PROM2: variants seen among roughly 807,000 people sequenced by gnomAD.
The protein encoded by PROM2 is prominin 2, also known as prominin-2.
A neutral mutation model predicts 110.2 loss-of-function variants in PROM2; 90 were observed. The ratio of observed to expected loss-of-function variants is 0.82; its 90% CI spans 0.69 to 0.97. The LOEUF is 0.97. Among genes scored for constraint, PROM2 ranks in the 50% least tolerant of loss-of-function variants. The pLI is 0.00. For synonymous variants in PROM2, 470 were observed against 467.8 expected (o/e 1.00, Z -0.06); for missense variants, 1,009 against 1,074.8 (o/e 0.94, Z 0.86).
At position 95,276,004 on chromosome 2, in the gene PROM2, C is replaced by T. The variant is rs373189393; in HGVS notation, c.369C>T (p.Ala123=). The part of the protein sequence containing the change: ...AGLYLLLVPT[A]GLCFCCCRCH... ...TCTACCTGCTGCTGGTGCCCACTGC[C>T]GGGCTTTGCTTCTGCTGCTGCCGCT... The change falls in exon 3 of 24, where the codon GCC becomes GCT. Residue 123 remains alanine, a synonymous_variant. Coordinates refer to ENST00000317620, the MANE Select transcript of PROM2 (RefSeq NM_001165978.3). The surrounding 1 kb of genome is among the most constrained non-coding windows in gnomAD (Gnocchi z 4.6). The T allele has an allele frequency of 1.3e-4, 207 of 1,611,820 alleles. No individual in the cohort carries two copies. Among genetic ancestry groups the T allele is most frequent in the Non-Finnish European group, 1.6e-4 (193 of 1,179,856 alleles).
In PROM2 at chr2:95,286,852, C is replaced by A. The variant is rs1199160689; in HGVS notation, c.2089C>A (p.Leu697Ile). The A allele has an allele frequency of 6.2e-7, 1 of 1,613,736 alleles. No homozygotes were observed. The highest frequency in any genetic ancestry group is 2.2e-5 in the East Asian group (1 of 44,882). The change falls in exon 18 of 24, where the codon CTC (leucine) becomes ATC (isoleucine). Residue 697 changes from leucine (L) to isoleucine (I), a missense_variant. Physicochemically the swap from Leu to Ile is conservative, Grantham distance 5. Transcript: ENST00000317620. ...GGCCCTGGAGTCCTCTGCCCCGAATCTCCAGGTGGCTGCTGTTGGTGGGGA... is the reference window on the plus strand; with the variant it reads ...GGCCCTGGAGTCCTCTGCCCCGAATATCCAGGTGGCTGCTGTTGGTGGGGA... ...VRALESSAPN[L>I]QLETSDVLAN... is the part of the protein sequence containing the mutation.
At chr2:95,278,354 G>T in intron 8 of PROM2, 1 of 525,622 alleles carries the variant, frequency 1.9e-6, no homozygotes, top group Non-Finnish European at 3.4e-6. Context: ...GAAATGATGA[G>T]TCAGCCATGC....
chr2:95,288,902 G>A, intron 22 of PROM2, 31 bp from the exon 23 acceptor site: 1 of 1,605,518 alleles, frequency 6.2e-7, no homozygotes, highest in Non-Finnish European at 8.5e-7. Context: ...GGGGGGAAGG[G>A]TATGCTCACT....
At chr2:95,277,767 C>T in intron 7 of PROM2, 163 bp from the exon 8 acceptor site, 1 of 766,812 alleles carries the variant, frequency 1.3e-6, no homozygotes, top group Non-Finnish European at 2.1e-6. Flanking sequence ...GTGTGAGCTC[C>T]TTGAGTTCTT....
At chr2:95,282,281 G>T in intron 14 of PROM2, 55 bp downstream of exon 14, 1 of 1,447,636 alleles carries the variant, frequency 6.9e-7, no homozygotes, top group Non-Finnish European at 9.6e-7. Flanking sequence ...CCCTCCTCTG[G>T]TCTTTTTGCC....
At chr2:95,287,584 A>C in intron 20 of PROM2, 120 bp downstream of exon 20, 1 of 966,666 alleles carries the variant, frequency 1.0e-6, no homozygotes, top group Non-Finnish European at 1.5e-6. Context: ...TTCAGGATCA[A>C]ACCCAAACTC....
At chr2:95,280,581 C>A (rs1676988647) in intron 11 of PROM2, among the ~76,000 whole-genome samples, 1 of 152,178 alleles carries the variant, frequency 6.6e-6, no homozygotes, top group South Asian at 2.1e-4. Context: ...TGGAGTAGGT[C>A]ACCTCCATGG....
chr2:95,274,494 GGA>G lies in PROM2; in HGVS notation c.-86_-85del, dbSNP rs377174809. The stretch of plus-strand genomic sequence containing the variant: ...CTGTCGGGCAGGTTTTGAGAGCTGT[GGA>G]GAGAGGGACAGAGGCTGGAGAAGGA... On this transcript the variant is annotated 5_prime_UTR_variant, in exon 1 of 24. Coordinates refer to ENST00000317620, the MANE Select transcript of PROM2 (RefSeq NM_001165978.3). 1.1e-4 allele frequency: 166 copies of G among 1,455,956 alleles called. 1 individual carries two copies. In the South Asian group the frequency reaches 1.3e-3, roughly 12 times the overall value. 90.2% of individuals were successfully genotyped at this position (1,455,956 alleles called of 1,614,324 possible).
rs768652941 is a variant in PROM2, at chr2:95,282,130, ACTC to A, written c.1644-5_1644-3del. 34 of 1,609,440 alleles carry A rather than the reference ACTC, an allele frequency of 2.1e-5. No homozygotes were observed. The highest frequency in any genetic ancestry group is 8.5e-6 in the Non-Finnish European group (10 of 1,178,648). On this transcript the variant is annotated splice_polypyrimidine_tract_variant and intron_variant, in intron 13 of 23. Transcript: ENST00000317620. ...CCAAGGCTCATCGTCTGCACCCCTCACTCCTCCTCAGGCAGTGCAAGGAAGGGG... is the reference window on the plus strand; with the variant it reads ...CCAAGGCTCATCGTCTGCACCCCTCACTCCTCAGGCAGTGCAAGGAAGGGG...
chr2:95,281,869 A>G (rs1344626962), intron 12 of PROM2, 56 bp from the exon 13 acceptor site: 1 of 1,203,674 alleles, frequency 8.3e-7, no homozygotes, highest in Non-Finnish European at 1.2e-6. Flanking sequence ...CTAGGGGACC[A>G]GGGTGGCCTT....
rs182782637 is a variant in PROM2 at position 95,276,605 on chromosome 2, C to A, written c.630C>A (p.Ala210=). ...TTGTGTTTGCCTAGGAGCTGCAGGC[C>A]GTGGCACAGCAATTCTCCCTGCCCC... ...LVSDVPQELQ[A]VAQQFSLPQE... Residue 210 remains alanine (A), a synonymous_variant, in exon 5 of 24, where the codon GCC becomes GCA. Transcript: ENST00000317620. The surrounding 1 kb of genome is among the most constrained non-coding windows in gnomAD (Gnocchi z 4.6). 1 of 1,613,680 alleles carries A rather than the reference C, an allele frequency of 6.2e-7. No homozygotes were observed. Among genetic ancestry groups the A allele is most frequent in the Admixed American group, 1.7e-5 (1 of 60,020 alleles).
chr2:95,274,511 C>G lies in PROM2; in HGVS notation c.-75C>G. 1 of 1,481,148 alleles carries G rather than the reference C, an allele frequency of 6.8e-7. No homozygotes were observed. Among genetic ancestry groups the G allele is most frequent in the Non-Finnish European group, 9.0e-7 (1 of 1,112,712 alleles). The allele number at this position is 1,481,148 out of a possible 1,614,324, so 91.8% of individuals were successfully genotyped here. A position where few individuals can be genotyped will look rare whatever the true frequency, so the allele number is the denominator to read the frequency against. On this transcript the variant is annotated 5_prime_UTR_variant, in exon 1 of 24. Transcript: ENST00000317620. ...AGAGCTGTGGAGAGAGGGACAGAGG[C>G]TGGAGAAGGATGTATGGCCTGCCCT...
rs1676686806 is a variant in PROM2, at chr2:95,276,715, G to A, written c.682+58G>A. ...CTCCTTCCAGGGCCCCTGCTCGGGT[G>A]CCTCGGTGGGGGCCTCTCACTCCCT... On this transcript the variant is annotated intron_variant, in intron 5 of 23. Transcript: ENST00000317620. This position sits in a 1 kb window ranked among gnomAD's most constrained non-coding sequence, Gnocchi z 4.6. 1.9e-6 allele frequency: 3 copies of A among 1,574,134 alleles called. No individual in the cohort carries two copies. Among genetic ancestry groups the A allele is most frequent in the African/African-American group, 2.7e-5 (2 of 74,188 alleles).
At chr2:95,281,553 A>C (rs1677047537) in intron 12 of PROM2, among the ~76,000 whole-genome samples, 188 bp downstream of exon 12, 1 of 152,094 alleles carries the variant, frequency 6.6e-6, no homozygotes, top group African/African-American at 2.4e-5. Context: ...GAGAGCACCC[A>C]TGAGTCCCTG....
chr2:95,274,465 A>G lies in PROM2; in HGVS notation c.-121A>G. On this transcript the variant is annotated 5_prime_UTR_variant, in exon 1 of 24. Coordinates refer to ENST00000317620, the MANE Select transcript of PROM2 (RefSeq NM_001165978.3). ...GGGAGGCCAGGTAGCTCAGGAACCC[A>G]AACCTGTCGGGCAGGTTTTGAGAGC... The G allele has an allele frequency of 1.5e-6, 2 of 1,345,098 alleles. No homozygotes were observed. The highest frequency in any genetic ancestry group is 2.0e-6 in the Non-Finnish European group (2 of 1,020,140). The allele number at this position is 1,345,098 out of a possible 1,614,324, so 83.3% of individuals were successfully genotyped here.
chr2:95,289,126 G>A, intron 23 of PROM2, 98 bp from the exon 24 acceptor site: 1 of 803,218 alleles, frequency 1.2e-6, no homozygotes, highest in East Asian at 2.6e-5. Context: ...GGGACATGGT[G>A]GAGTCTGGGT....
rs1676539463 is a variant in PROM2, at chr2:95,274,699, C to A, written c.114C>A (p.His38Gln). 1 of 1,612,830 alleles carries A rather than the reference C, an allele frequency of 6.2e-7. No individual in the cohort carries two copies. The highest frequency in any genetic ancestry group is 8.5e-7 in the Non-Finnish European group (1 of 1,179,930). The change falls in exon 1 of 24, where the codon CAC becomes CAA. Residue 38 changes from histidine (H) to glutamine (Q), a missense_variant. By Grantham distance (24) the His-to-Gln change is conservative. Transcript: ENST00000317620. ...TDCKFLGPAEHLTFTPAARAR... is the reference protein window; with the variant it reads ...TDCKFLGPAEQLTFTPAARAR... ...GCAAGTTCCTTGGCCCGGCAGAGCA[C>A]CTGACATTCACCCCAGCAGCCAGGG...
At chr2:95,286,154 T>C (rs1481139046) in intron 16 of PROM2, among the ~76,000 whole-genome samples, 2 of 152,190 alleles carry the variant, frequency 1.3e-5, no homozygotes, top group Admixed American at 6.5e-5. Flanking sequence ...TATTTAGGGT[T>C]TAAAAGTTCT....
chr2:95,281,586 C>CA (rs1276859197), intron 12 of PROM2, among the ~76,000 whole-genome samples: 1 of 152,118 alleles, frequency 6.6e-6, no homozygotes, highest in Non-Finnish European at 1.5e-5. Flanking sequence ...GGCCCCAGGG[C>CA]AGGGACCCTG....
Sources: allele counts gnomAD v4.1 joint callset (sites outside exome capture counted in the v4.1 genomes callset), GRCh38; gene constraint gnomAD v4.1.1; non-coding constraint Gnocchi (gnomAD v3.1); transcripts MANE v1.5; gene names NCBI Gene and HGNC (gene_info 2026-07-23, HGNC 2026-07-21).